Variants in PARVG observed in about 807,000 individuals in gnomAD.
The protein encoded by PARVG is gamma-parvin.
In PARVG, 36 loss-of-function variants were observed where a neutral mutation model predicts 44.4. That is an observed-to-expected ratio of 0.81 (90% CI 0.62 to 1.07). The LOEUF (loss-of-function observed/expected upper bound fraction) is 1.07. Among genes scored for constraint, PARVG ranks in the 50% least tolerant of loss-of-function variants. The probability of loss-of-function intolerance (pLI) is 0.00; values close to 1 mark genes in which losing one functional copy is unlikely to be tolerated. For missense variants in PARVG, 407 were observed against 407.4 expected, an observed-to-expected ratio of 1.00 and a Z score of 0.01; for synonymous variants, 170 against 174.1, an observed-to-expected ratio of 0.98 and a Z score of 0.19.
chr22:44,190,908 A>C (rs536129675), intron 7 of PARVG, among the ~76,000 whole-genome samples: 20 of 152,180 alleles, frequency 1.3e-4, no homozygotes, highest in African/African-American at 4.6e-4. Flanking sequence ...ACGGCTGGCC[A>C]GCTCCACTTG....
intron 7 of PARVG, 35 bp from the exon 8 acceptor site, chr22:44,192,014 G>T (rs1159050686): frequency 3.1e-6 from 5 of 1,611,278 alleles, no homozygotes; most frequent in South Asian, 2.2e-5. Context: ...GAGTTTTCTG[G>T]ATTATTTAAT....
chr22:44,197,814 T>A (rs548654316), intron 11 of PARVG, among the ~76,000 whole-genome samples: 1 of 152,310 alleles, frequency 6.6e-6, no homozygotes, highest in South Asian at 2.1e-4. Context: ...CGGCATGAAA[T>A]AAGTGAGAGA....
At chr22:44,205,912 T>A (rs2054774715) in intron 13 of PARVG, 83 bp downstream of exon 13, 1 of 1,482,268 alleles carries the variant, frequency 6.7e-7, no homozygotes, top group Non-Finnish European at 9.2e-7. Flanking sequence ...GTGCAGGGCA[T>A]TGGGGGATGA....
At chr22:44,176,030 AG>A (rs2054316229), upstream of PARVG, among the ~76,000 whole-genome samples, 1 of 152,140 alleles carries the variant, frequency 6.6e-6, no homozygotes, top group Non-Finnish European at 1.5e-5. Context: ...ACATCCACAC[AG>A]GGTTCTGATG....
At chr22:44,191,547 G>A (rs1051110545) in intron 7 of PARVG, among the ~76,000 whole-genome samples, 10 of 151,874 alleles carry the variant, frequency 6.6e-5, no homozygotes, top group African/African-American at 2.4e-4. Flanking sequence ...ACAGATTTGA[G>A]ACACTGTGCC....
chr22:44,177,697 T>G (rs559401540), upstream of PARVG, among the ~76,000 whole-genome samples: 7 of 152,282 alleles, frequency 4.6e-5, no homozygotes, highest in South Asian at 1.5e-3. Flanking sequence ...CATGTCATGT[T>G]GATTGTTTTA....
intron 1 of PARVG, among the ~76,000 whole-genome samples, chr22:44,174,888 G>A (rs923748993): frequency 2.0e-5 from 3 of 152,180 alleles, no homozygotes; most frequent in Admixed American, 6.5e-5. Flanking sequence ...TTGGGAGACT[G>A]AGGCAGGTGG....
intron 12 of PARVG, among the ~76,000 whole-genome samples, chr22:44,204,879 T>C (rs1242789947): frequency 6.6e-6 from 1 of 152,142 alleles, no homozygotes; most frequent in Non-Finnish European, 1.5e-5. Context: ...TGGGACCTAC[T>C]CTGCTTGTAG....
intron 8 of PARVG, among the ~76,000 whole-genome samples, chr22:44,192,787 C>T (rs1278638597): frequency 6.6e-6 from 1 of 151,804 alleles, no homozygotes; most frequent in African/African-American, 2.4e-5. Flanking sequence ...CTGTTCCCCA[C>T]CCACTAGGGC....
upstream of PARVG, among the ~76,000 whole-genome samples, chr22:44,177,907 T>A (rs1035646831): frequency 6.6e-6 from 1 of 152,168 alleles, no homozygotes; most frequent in African/African-American, 2.4e-5. Context: ...TTTATCAAAT[T>A]TGTACACTAA....
Position 44,185,860 on chromosome 22 carries a change from AG to A in PARVG, c.133del (p.Glu45AsnfsTer6), listed in dbSNP as rs1192822216. 6.2e-7 allele frequency: 1 copy of A among 1,613,362 alleles called. No homozygotes were observed. The highest frequency in any genetic ancestry group is 2.2e-5 in the East Asian group (1 of 44,848). On this transcript the variant is annotated frameshift_variant, in exon 4 of 14. Transcript: ENST00000444313. LOFTEE classifies it high-confidence loss of function. ...CTTCCCGGAAGGACCCCAAATTTGA[AG>A]AACTGCAGAAGGTACAGCAGCCTCC... is the stretch of plus-strand genomic sequence containing the variant. ...PTSRKDPKFE[E>X]LQKVLMEWIN...
intron 2 of PARVG, chr22:44,183,065 C>T: frequency 2.0e-6 from 1 of 494,050 alleles, no homozygotes; most frequent in Non-Finnish European, 3.5e-6. Flanking sequence ...AGGACCACTT[C>T]CTCCGCCAAG....
At position 44,189,323 on chromosome 22, in the gene PARVG, C is replaced by G. The variant is rs150456795; in HGVS notation, c.388+69C>G. ...GCTGGGGTCCTTCTGCTTCAGGCTT[C>G]TCACCCACCAGGAAGGCGCACTCAT... On this transcript the variant is annotated intron_variant, in intron 6 of 13. Coordinates refer to ENST00000444313, the MANE Select transcript of PARVG (RefSeq NM_022141.7). The G allele has an allele frequency of 2.1e-4, 328 of 1,572,762 alleles. 2 individuals are homozygous for G. The highest frequency in any genetic ancestry group is 1.9e-3 in the Middle Eastern group (9 of 4,654).
intron 4 of PARVG, chr22:44,187,558 C>T (rs2054490933): frequency 1.7e-6 from 1 of 599,592 alleles, no homozygotes; most frequent in African/African-American, 1.8e-5. Context: ...CCACACTGCT[C>T]AGGTTTGTGA....
intron 3 of PARVG, chr22:44,184,820 T>C (rs1443862438): frequency 5.3e-5 from 8 of 152,164 alleles, no homozygotes; most frequent in East Asian, 1.9e-4. Flanking sequence ...CTGAGGAAAG[T>C]TGCTGAGTTA....
At chr22:44,180,650 A>G (rs2054362287), upstream of PARVG, among the ~76,000 whole-genome samples, 1 of 152,176 alleles carries the variant, frequency 6.6e-6, no homozygotes, top group African/African-American at 2.4e-5. Flanking sequence ...TACCTACCTC[A>G]CAAGGAAGTT....
At chr22:44,192,157 G>T in intron 8 of PARVG, 53 bp downstream of exon 8, 1 of 1,588,354 alleles carries the variant, frequency 6.3e-7, no homozygotes, top group Non-Finnish European at 8.6e-7. Flanking sequence ...AGCGGTGGAT[G>T]GGGGCAGGGT....
intron 12 of PARVG, among the ~76,000 whole-genome samples, chr22:44,200,287 G>C (rs148621111): frequency 2.0e-5 from 3 of 152,200 alleles, no homozygotes; most frequent in Admixed American, 6.5e-5. Flanking sequence ...GGCTTACCCC[G>C]GGTCACTGCC....
Position 44,198,635 on chromosome 22 carries a change from C to A in PARVG, c.726C>A (p.Val242=). ...QNLDTQFADG[V]ILLLLIGQLE... ...TTCCTTTGTAGTTTGCAGATGGGGT[C>A]ATCTTACTCTTGCTGATTGGACAAC... The change falls in exon 12 of 14, where the codon GTC becomes GTA. Residue 242 remains valine, a synonymous_variant. Coordinates refer to ENST00000444313, the MANE Select transcript of PARVG (RefSeq NM_022141.7). 1 of 1,613,448 alleles carries A rather than the reference C, an allele frequency of 6.2e-7. No homozygotes were observed. Among genetic ancestry groups the A allele is most frequent in the Non-Finnish European group, 8.5e-7 (1 of 1,179,434 alleles).
Sources: gnomAD v4.1 joint callset for allele counts (sites outside exome capture counted in the v4.1 genomes callset) on GRCh38, gnomAD v4.1.1 for gene constraint, MANE v1.5 for transcripts, NCBI Gene and HGNC (gene_info 2026-07-23, HGNC 2026-07-21) for gene names.